ALKBH8: variants seen among roughly 807,000 people sequenced by gnomAD.
ALKBH8 encodes tRNA (carboxymethyluridine(34)-5-O)-methyltransferase ALKBH8.
ALKBH8 carries 36 observed loss-of-function variants against 59.8 expected under a neutral mutation model. That is an observed-to-expected ratio of 0.60 (90% CI 0.46 to 0.79). ALKBH8 has a LOEUF of 0.79. Ranked by LOEUF, ALKBH8 falls within the 30% of genes least tolerant of loss-of-function variation. The probability of loss-of-function intolerance (pLI) is 0.00; values close to 1 mark genes in which losing one functional copy is unlikely to be tolerated. For synonymous variants in ALKBH8, 276 were observed against 273.6 expected, an observed-to-expected ratio of 1.01 and a Z score of -0.09; for missense variants, 768 against 801.0, an observed-to-expected ratio of 0.96 and a Z score of 0.50.
At chr11:107,512,799 A>C (rs1428346482) in intron 10 of ALKBH8, among the ~76,000 whole-genome samples, 1 of 152,178 alleles carries the variant, frequency 6.6e-6, no homozygotes, top group African/African-American at 2.4e-5. Flanking sequence ...AGCCCTTCTG[A>C]GAATAAAGAC....
intron 1 of ALKBH8, among the ~76,000 whole-genome samples, chr11:107,564,806 G>A (rs1306112968): frequency 6.6e-6 from 1 of 152,142 alleles, no homozygotes; most frequent in Admixed American, 6.5e-5. Context: ...CTCACTCCAT[G>A]AAGTAGAGAT....
chr11:107,548,987 A>G (rs1183630545), intron 7 of ALKBH8, among the ~76,000 whole-genome samples: 2 of 151,946 alleles, frequency 1.3e-5, no homozygotes, highest in African/African-American at 4.8e-5. Context: ...AGTAGCTGGG[A>G]CTACAGGCAC....
rs775092552 is a variant in ALKBH8 at position 107,552,210 on chromosome 11, CT to C, written c.596-299del. Among the ~76,000 whole-genome samples the C allele has an allele frequency of 8.6e-5, 13 of 151,264 alleles. No homozygotes were observed. The East Asian group carries it at 2.5e-3, about 29-fold the overall frequency. On this transcript the variant is annotated intron_variant, in intron 5 of 11. Coordinates refer to ENST00000428149, the MANE Select transcript of ALKBH8 (RefSeq NM_138775.3). ...ATATACTATATATTGAAATTGTCCA[CT>C]TTCTTTTTTTGTTATTTTAAATTAT... is the stretch of plus-strand genomic sequence containing the variant.
At chr11:107,531,700 C>T (rs1002157491) in intron 8 of ALKBH8, among the ~76,000 whole-genome samples, 12 of 152,188 alleles carry the variant, frequency 7.9e-5, no homozygotes, top group Admixed American at 4.6e-4. Context: ...TTTTATAGAA[C>T]AGAGCTTGGC....
chr11:107,525,354 A>T (rs1863305848), intron 9 of ALKBH8, 87 bp downstream of exon 9: 1 of 1,239,944 alleles, frequency 8.1e-7, no homozygotes, highest in South Asian at 1.8e-5. Context: ...GATTCAGAAA[A>T]AGCTCTCCTA....
chr11:107,513,020 C>T (rs1862705072), intron 10 of ALKBH8, among the ~76,000 whole-genome samples: 1 of 152,110 alleles, frequency 6.6e-6, no homozygotes, highest in South Asian at 2.1e-4. Flanking sequence ...ACAACAAAAA[C>T]AACTGCCACA....
At chr11:107,546,173 CAA>C (rs1864244937) in intron 7 of ALKBH8, among the ~76,000 whole-genome samples, 1 of 152,104 alleles carries the variant, frequency 6.6e-6, no homozygotes, top group Admixed American at 6.5e-5. Flanking sequence ...AAGTCCTAAT[CAA>C]AAGTTTTCTT....
intron 3 of ALKBH8, among the ~76,000 whole-genome samples, chr11:107,554,692 A>G (rs908702392): frequency 3.9e-5 from 6 of 152,254 alleles, no homozygotes; most frequent in Non-Finnish European, 7.3e-5. Context: ...CAAAAATAGC[A>G]ACTATTTACT....
At chr11:107,556,399 A>C (rs1333031584) in intron 3 of ALKBH8, among the ~76,000 whole-genome samples, 1 of 152,248 alleles carries the variant, frequency 6.6e-6, no homozygotes, top group Non-Finnish European at 1.5e-5. Context: ...ATTCATTCTT[A>C]AGTGATTAAT....
At chr11:107,526,692 A>G (rs1863371634) in intron 8 of ALKBH8, among the ~76,000 whole-genome samples, 1 of 151,990 alleles carries the variant, frequency 6.6e-6, no homozygotes, top group South Asian at 2.1e-4. Flanking sequence ...TTTCTTTTAG[A>G]CCATTTTACA....
chr11:107,551,361 A>G (rs1864482181), intron 6 of ALKBH8, among the ~76,000 whole-genome samples: 2 of 152,198 alleles, frequency 1.3e-5, no homozygotes, highest in African/African-American at 4.8e-5. Flanking sequence ...TAACAAACAT[A>G]AGCAAGGCAA....
rs756617052 is a variant in ALKBH8, at chr11:107,505,213, C to T, written c.1440G>A (p.Glu480=). 78 of 1,519,000 alleles carry T rather than the reference C, an allele frequency of 5.1e-5. No individual in the cohort carries two copies. The highest frequency in any genetic ancestry group is 6.6e-5 in the Non-Finnish European group (75 of 1,133,300). 94.1% of individuals were successfully genotyped at this position (1,519,000 alleles called of 1,614,324 possible). The part of the protein sequence containing the change: ...IAVIHHFATA[E]RRVAALQEIV... ...TTTCTTGGAGAGCTGCCACTCTACG[C>T]TCCTAATGAAAAAAAACAAAACACA... The change falls in exon 12 of 12, where the codon GAG becomes GAA. Residue 480 remains glutamate (E), a splice_region_variant and synonymous_variant. Transcript: ENST00000428149.
chr11:107,560,624 T>C (rs1383785852), intron 2 of ALKBH8, 141 bp downstream of exon 2: 6 of 749,378 alleles, frequency 8.0e-6, no homozygotes, highest in Non-Finnish European at 1.2e-5. Flanking sequence ...AAGTTAGCAG[T>C]TCATATCATA....
At chr11:107,535,550 A>G (rs768603224) in intron 7 of ALKBH8, among the ~76,000 whole-genome samples, 1 of 152,026 alleles carries the variant, frequency 6.6e-6, no homozygotes, top group Non-Finnish European at 1.5e-5. Context: ...CCACTTGTAT[A>G]TTGTCTTTTA....
At chr11:107,557,601 C>T (rs1033013511) in intron 2 of ALKBH8, among the ~76,000 whole-genome samples, 6 of 152,106 alleles carry the variant, frequency 3.9e-5, no homozygotes, top group Non-Finnish European at 8.8e-5. Flanking sequence ...GTACTATTAC[C>T]TCAAAGAAAA....
intron 7 of ALKBH8, among the ~76,000 whole-genome samples, chr11:107,546,976 T>C (rs1331515933): frequency 2.6e-5 from 4 of 152,094 alleles, no homozygotes; most frequent in African/African-American, 4.8e-5. Context: ...AGTTGGAACA[T>C]TTAAGAATTG....
intron 7 of ALKBH8, among the ~76,000 whole-genome samples, chr11:107,537,956 T>C (rs956141190): frequency 6.6e-6 from 1 of 152,118 alleles, no homozygotes; most frequent in African/African-American, 2.4e-5. Flanking sequence ...TTTCCTATGT[T>C]TTGAATAAGG....
chr11:107,550,272 T>C (rs775149718), intron 6 of ALKBH8, among the ~76,000 whole-genome samples: 9 of 152,186 alleles, frequency 5.9e-5, no homozygotes, highest in Non-Finnish European at 1.2e-4. Context: ...ACTCAGCACC[T>C]CTTAAGTAAA....
intron 7 of ALKBH8, among the ~76,000 whole-genome samples, chr11:107,546,709 T>C (rs1864272580): frequency 1.3e-5 from 2 of 152,188 alleles, no homozygotes; most frequent in Admixed American, 6.5e-5. Flanking sequence ...TAAATCATCC[T>C]CACTTATACA....
Sources: allele counts gnomAD v4.1 joint callset (sites outside exome capture counted in the v4.1 genomes callset), GRCh38; gene constraint gnomAD v4.1.1; transcripts MANE v1.5; gene names NCBI Gene and HGNC (gene_info 2026-07-23, HGNC 2026-07-21).